TNS3: variants seen among roughly 807,000 people sequenced by gnomAD.
TNS3 encodes the protein tensin-3.
In TNS3, 45 loss-of-function variants were observed where a neutral mutation model predicts 140.9. The observed-to-expected ratio is 0.32, with a 90% CI of 0.25 to 0.41. The LOEUF (loss-of-function observed/expected upper bound fraction) is 0.41. Ranked by LOEUF, TNS3 falls within the 10% of genes least tolerant of loss-of-function variation. The pLI, the probability that TNS3 is intolerant of heterozygous loss-of-function variation, is 1.00. For missense variants in TNS3, 1,716 were observed against 1,906.7 expected (o/e 0.90, Z 1.86); for synonymous variants, 815 against 788.4 (o/e 1.03, Z -0.56).
At chr7:47,327,063 G>A (rs1788061599) in intron 20 of TNS3, among the ~76,000 whole-genome samples, 2 of 152,202 alleles carry the variant, frequency 1.3e-5, no homozygotes, top group African/African-American at 4.8e-5. Flanking sequence ...GGAGGGAGCA[G>A]ATGCCCAGGA....
At chr7:47,470,790 A>C in intron 4 of TNS3, 1 of 272,458 alleles carries the variant, frequency 3.7e-6, no homozygotes, top group Non-Finnish European at 5.6e-6. Flanking sequence ...CACCAGGGTT[A>C]ATATGTTCCC....
chr7:47,277,762 G>A lies in TNS3; in HGVS notation c.*314C>T, dbSNP rs940392634. The A allele has an allele frequency of 4.9e-6, 2 of 410,408 alleles. No homozygotes were observed. The highest frequency in any genetic ancestry group is 7.2e-5 in the Admixed American group (2 of 27,868). 25.4% of individuals were successfully genotyped at this position (410,408 alleles called of 1,614,324 possible). A position where few individuals can be genotyped will look rare whatever the true frequency, so the allele number is the denominator to read the frequency against. On this transcript the variant is annotated 3_prime_UTR_variant, in exon 31 of 31. Transcript: ENST00000311160. ...GTGCCAGGGACATGGGGACCACCTC[G>A]TGTTCTGTGCTGTTTCCTTGCATGT...
At chr7:47,476,354 C>T (rs547749274) in intron 4 of TNS3, among the ~76,000 whole-genome samples, 4 of 152,276 alleles carry the variant, frequency 2.6e-5, no homozygotes, top group Admixed American at 2.0e-4. Context: ...GTGAGCACTG[C>T]GTGTACACAT....
chr7:47,497,636 C>T (rs1173024108), intron 3 of TNS3, among the ~76,000 whole-genome samples: 2 of 146,570 alleles, frequency 1.4e-5, no homozygotes, highest in African/African-American at 2.5e-5. Flanking sequence ...AATAAGTATT[C>T]GCCTAGTACA....
chr7:47,503,123 G>T (rs756777336), intron 3 of TNS3, among the ~76,000 whole-genome samples: 3 of 152,106 alleles, frequency 2.0e-5, no homozygotes, highest in Non-Finnish European at 4.4e-5. Context: ...CCTACGTGGG[G>T]TCTTAAGTTT....
intron 1 of TNS3, chr7:47,539,024 T>C (rs1799705211): frequency 1.1e-5 from 5 of 456,616 alleles, no homozygotes; most frequent in South Asian, 7.7e-5. Context: ...TGTCATGGTT[T>C]ACCCAGGGCA....
chr7:47,572,982 C>T lies in TNS3; in HGVS notation c.-265+9069G>A, dbSNP rs116502620. Among the ~76,000 whole-genome samples, 419 of 152,284 alleles carry T rather than the reference C, an allele frequency of 2.8e-3. 4 individuals are homozygous for T. Among genetic ancestry groups the T allele is most frequent in the Middle Eastern group, 0.014 (4 of 294 alleles). ...CTTGCCAGTGGAAAATGAGAAAGGCCTCACAGGGATATGTGGGGAGTTGCC... is the reference window on the plus strand; with the variant it reads ...CTTGCCAGTGGAAAATGAGAAAGGCTTCACAGGGATATGTGGGGAGTTGCC... On this transcript the variant is annotated intron_variant, in intron 1 of 30. Coordinates refer to ENST00000311160, the MANE Select transcript of TNS3 (RefSeq NM_022748.12).
Position 47,374,169 on chromosome 7 carries a change from T to C in TNS3, c.1025-4548A>G, listed in dbSNP as rs73111046. Among the ~76,000 whole-genome samples the C allele has an allele frequency of 9.1e-3, 1,385 of 152,302 alleles. 10 individuals are homozygous for C. Among genetic ancestry groups the C allele is most frequent in the Non-Finnish European group, 0.013 (858 of 68,018 alleles). ...AAGTCATGACCTAAAGGTTAGCCCATTTGCCCATGAAGCAGGAAGCATGGG... is the reference window on the plus strand; with the variant it reads ...AAGTCATGACCTAAAGGTTAGCCCACTTGCCCATGAAGCAGGAAGCATGGG... On this transcript the variant is annotated intron_variant, in intron 16 of 30. Coordinates refer to ENST00000311160, the MANE Select transcript of TNS3 (RefSeq NM_022748.12).
chr7:47,342,402 G>A (rs1789070741), intron 20 of TNS3, among the ~76,000 whole-genome samples: 1 of 152,204 alleles, frequency 6.6e-6, no homozygotes, highest in Non-Finnish European at 1.5e-5. Context: ...TACTGCAGAT[G>A]CCTAAAGCCT....
intron 1 of TNS3, among the ~76,000 whole-genome samples, chr7:47,545,887 T>C (rs529536972): frequency 1.3e-5 from 2 of 152,210 alleles, no homozygotes; most frequent in East Asian, 3.9e-4. Flanking sequence ...CATACCGACA[T>C]CACACAAACT....
At chr7:47,357,714 T>G (rs1790074313) in intron 17 of TNS3, among the ~76,000 whole-genome samples, 1 of 152,032 alleles carries the variant, frequency 6.6e-6, no homozygotes, top group Non-Finnish European at 1.5e-5. Context: ...TAACCCTGAT[T>G]CTAAGAGAAC....
chr7:47,383,179 A>C (rs1295474227), intron 16 of TNS3, among the ~76,000 whole-genome samples: 3 of 152,244 alleles, frequency 2.0e-5, no homozygotes, highest in Non-Finnish European at 2.9e-5. Context: ...ACACCAGCTA[A>C]CAAATGAATA....
intron 13 of TNS3, among the ~76,000 whole-genome samples, chr7:47,403,780 G>A (rs924017128): frequency 5.3e-5 from 8 of 152,148 alleles, no homozygotes; most frequent in African/African-American, 1.4e-4. Flanking sequence ...CCAACCAGGA[G>A]CCCTCCATAG....
intron 1 of TNS3, among the ~76,000 whole-genome samples, chr7:47,530,590 G>C (rs1023790663): frequency 3.0e-4 from 46 of 151,816 alleles, no homozygotes; most frequent in African/African-American, 9.7e-4. Flanking sequence ...TTGGGAGGCA[G>C]AGGCGGGTGG....
chr7:47,506,399 G>A (rs999954251), intron 3 of TNS3, among the ~76,000 whole-genome samples: 1 of 152,040 alleles, frequency 6.6e-6, no homozygotes, highest in Non-Finnish European at 1.5e-5. Flanking sequence ...GAGGCCATCG[G>A]GCAATTGAAC....
At chr7:47,566,225 T>C (rs560868197) in intron 1 of TNS3, among the ~76,000 whole-genome samples, 2 of 152,140 alleles carry the variant, frequency 1.3e-5, no homozygotes, top group Admixed American at 6.5e-5. Flanking sequence ...TCCAAAAACA[T>C]GGACTCCTCA....
chr7:47,469,728 C>T (rs143076786), intron 4 of TNS3, among the ~76,000 whole-genome samples: 1,817 of 152,264 alleles, frequency 0.012, 41 homozygotes, highest in African/African-American at 0.041. Context: ...AATCCCAGCA[C>T]TCTGAAAGGC....
intron 8 of TNS3, among the ~76,000 whole-genome samples, chr7:47,430,799 C>T (rs1484876743): frequency 2.0e-5 from 3 of 151,788 alleles, no homozygotes; most frequent in Non-Finnish European, 4.4e-5. Flanking sequence ...CAGCTCACTA[C>T]AACCTCCACC....
chr7:47,453,912 T>C (rs1280216154), intron 4 of TNS3, among the ~76,000 whole-genome samples: 1 of 152,246 alleles, frequency 6.6e-6, no homozygotes, highest in Non-Finnish European at 1.5e-5. Context: ...TTTAAACTGA[T>C]CTCACTGATC....
Sources: gnomAD v4.1 joint callset for allele counts (sites outside exome capture counted in the v4.1 genomes callset) on GRCh38, gnomAD v4.1.1 for gene constraint, MANE v1.5 for transcripts, NCBI Gene and HGNC (gene_info 2026-07-23, HGNC 2026-07-21) for gene names.